CD33: variants seen among roughly 807,000 people sequenced by gnomAD.
The protein encoded by CD33 is myeloid cell surface antigen CD33.
Under a neutral mutation model 31.4 loss-of-function variants are expected in CD33, and 25 were observed. The ratio of observed to expected loss-of-function variants is 0.80; its 90% CI spans 0.58 to 1.11. The LOEUF (loss-of-function observed/expected upper bound fraction) is 1.11, where lower values mean the gene tolerates loss of function less well. CD33 is among the 50% of genes most tolerant of loss of function. CD33 has a pLI of 0.00. For synonymous variants in CD33, 176 were observed against 180.6 expected (o/e 0.97, Z 0.20); for missense variants, 407 against 448.1 (o/e 0.91, Z 0.83).
the CD33 span, among the ~76,000 whole-genome samples, chr19:51,212,273 C>T: frequency 6.6e-6 from 1 of 152,016 alleles, no homozygotes; most frequent in Admixed American, 6.5e-5. Flanking sequence ...CACCCTCACC[C>T]CAACTGAATG....
intron 6 of CD33, chr19:51,236,080 C>T (rs1981783672): frequency 8.0e-6 from 4 of 498,122 alleles, no homozygotes; most frequent in Non-Finnish European, 1.5e-5. Context: ...ATGGTATGAA[C>T]CCGGGAGGCA....
chr19:51,223,964 T>C (rs1980812530), upstream of CD33, among the ~76,000 whole-genome samples: 1 of 152,100 alleles, frequency 6.6e-6, no homozygotes, highest in South Asian at 2.1e-4. Flanking sequence ...AGGAATCAGG[T>C]CAGTGGCATC....
intron 6 of CD33, chr19:51,239,236 T>C (rs1005431773): frequency 4.0e-5 from 10 of 249,034 alleles, no homozygotes; most frequent in Non-Finnish European, 6.9e-5. Context: ...GTCTGTAAAA[T>C]GGATTAAAAT....
chr19:51,239,437 T>G, intron 6 of CD33, 81 bp from the exon 7 acceptor site: 1 of 1,037,246 alleles, frequency 9.6e-7, no homozygotes. Context: ...AGAGTCAAAT[T>G]TACTTCATTG....
intron 4 of CD33, among the ~76,000 whole-genome samples, chr19:51,234,105 T>C (rs1981613429): frequency 1.3e-5 from 2 of 152,176 alleles, no homozygotes; most frequent in Admixed American, 1.3e-4. Flanking sequence ...TGGAATCTTC[T>C]AGTCGCTGAT....
chr19:51,239,874 T>C lies in CD33; in HGVS notation c.*186T>C. 1 of 460,064 alleles carries C rather than the reference T, an allele frequency of 2.2e-6. No homozygotes were observed. The highest frequency in any genetic ancestry group is 3.8e-6 in the Non-Finnish European group (1 of 262,396). The allele number at this position is 460,064 out of a possible 1,614,324, so 28.5% of individuals were successfully genotyped here. On this transcript the variant is annotated 3_prime_UTR_variant, in exon 7 of 7. Transcript: ENST00000262262. ...GAGAGTCGTGGAATCAAATCTGTGC[T>C]CTTTCATTTGCTAAGTGTATGATGT...
chr19:51,213,025 G>A, the CD33 span, among the ~76,000 whole-genome samples: 1 of 152,212 alleles, frequency 6.6e-6, no homozygotes, highest in Non-Finnish European at 1.5e-5. Flanking sequence ...GTATGCCTAT[G>A]TATGTGGGAC....
the CD33 span, chr19:51,211,510 C>T: frequency 7.1e-6 from 11 of 1,539,698 alleles, no homozygotes; most frequent in African/African-American, 2.8e-5. Context: ...GAGGGATAAT[C>T]GTTCATACTT....
At chr19:51,231,849 C>T (rs1248216097) in intron 4 of CD33, among the ~76,000 whole-genome samples, 1 of 152,082 alleles carries the variant, frequency 6.6e-6, no homozygotes, top group Non-Finnish European at 1.5e-5. Context: ...GTCTCGACCT[C>T]CTGGGCTTAA....
At chr19:51,234,897 C>A (rs1405173281) in intron 4 of CD33, among the ~76,000 whole-genome samples, 1 of 152,130 alleles carries the variant, frequency 6.6e-6, no homozygotes. Flanking sequence ...TTCAGAAAGA[C>A]CCAGGGTGGA....
In CD33 at chr19:51,239,660, C is replaced by CCGAATA. The variant is rs768269748; in HGVS notation, c.1069_1074dup (p.Glu357_Tyr358dup). 18 of 1,612,918 alleles carry CCGAATA rather than the reference C, an allele frequency of 1.1e-5. No individual in the cohort carries two copies. Among genetic ancestry groups the CCGAATA allele is most frequent in the Non-Finnish European group, 1.5e-5 (18 of 1,179,724 alleles). On this transcript the variant is annotated inframe_insertion, in exon 7 of 7. Coordinates refer to ENST00000262262, the MANE Select transcript of CD33 (RefSeq NM_001772.4). ...ATGAATCCTTCCAAGGACACCTCCACCGAATACTCAGAGGTCAGGACCCAG... is the reference window on the plus strand; with the variant it reads ...ATGAATCCTTCCAAGGACACCTCCACCGAATACGAATACTCAGAGGTCAGGACCCAG...
At chr19:51,211,808 C>A in the CD33 span, 23 of 901,280 alleles carry the variant, frequency 2.6e-5, no homozygotes, top group Admixed American at 4.3e-4. Flanking sequence ...CCCACAGGCC[C>A]AGCATCTTCA....
Position 51,225,951 on chromosome 19 carries a change from C to G in CD33, c.567C>G (p.Pro189=), listed in dbSNP as rs374361331. 3.7e-5 allele frequency: 60 copies of G among 1,614,002 alleles called. No homozygotes were observed. The African/African-American group carries it at 5.6e-4, about 15-fold the overall frequency. Residue 189 remains proline (P), a synonymous_variant, in exon 3 of 7, where the codon CCC becomes CCG. Transcript: ENST00000262262. ...CAGCTGCCCCCACCTCCCTGGGCCC[C>G]AGGACTACTCACTCCTCGGTGCTCA... is the stretch of plus-strand genomic sequence containing the variant. The part of the protein sequence containing the change: ...WLSAAPTSLG[P]RTTHSSVLII...
chr19:51,225,466 C>G lies in CD33; in HGVS notation c.286C>G (p.Pro96Ala), dbSNP rs758214476. Reference sequence around the variant, plus strand: ...GGGCAGATTCCGCCTCCTTGGGGATCCCAGTAGGAACAACTGCTCCCTGAG... The same window carrying G: ...GGGCAGATTCCGCCTCCTTGGGGATGCCAGTAGGAACAACTGCTCCCTGAG... ...TQGRFRLLGD[P>A]SRNNCSLSIV... Residue 96 changes from proline to alanine, a missense_variant, in exon 2 of 7, where the codon CCC becomes GCC. Pro to Ala is a conservative substitution (Grantham distance 27, BLOSUM62 -1). Coordinates refer to ENST00000262262, the MANE Select transcript of CD33 (RefSeq NM_001772.4). 6.2e-7 allele frequency: 1 copy of G among 1,613,822 alleles called. No individual in the cohort carries two copies. The highest frequency in any genetic ancestry group is 8.5e-7 in the Non-Finnish European group (1 of 1,179,902).
intron 3 of CD33, 110 bp from the exon 4 acceptor site, chr19:51,226,199 G>A: frequency 6.6e-7 from 1 of 1,510,646 alleles, no homozygotes; most frequent in South Asian, 1.1e-5. Context: ...AGAAGGACAT[G>A]AGCCCTGTCC....
At chr19:51,220,362 C>G (rs1416346083), upstream of CD33, among the ~76,000 whole-genome samples, 1 of 152,168 alleles carries the variant, frequency 6.6e-6, no homozygotes, top group Non-Finnish European at 1.5e-5. Context: ...TAAGGCCAGG[C>G]AGAAATGAAG....
intron 4 of CD33, among the ~76,000 whole-genome samples, chr19:51,228,905 C>T (rs1176375482): frequency 1.3e-5 from 2 of 152,140 alleles, no homozygotes; most frequent in South Asian, 4.1e-4. Flanking sequence ...CTTTCTCTTG[C>T]CTAATTGCTC....
chr19:51,212,291 C>T, the CD33 span, among the ~76,000 whole-genome samples: 1 of 151,994 alleles, frequency 6.6e-6, no homozygotes, highest in African/African-American at 2.4e-5. Context: ...ATGGGAAATC[C>T]TCTCTTATTG....
At chr19:51,221,928 T>C (rs1299210769), upstream of CD33, among the ~76,000 whole-genome samples, 1 of 152,202 alleles carries the variant, frequency 6.6e-6, no homozygotes, top group Non-Finnish European at 1.5e-5. Flanking sequence ...TTTGTATGAT[T>C]CCATTTATAC....
Sources: allele counts gnomAD v4.1 joint callset (sites outside exome capture counted in the v4.1 genomes callset), GRCh38; gene constraint gnomAD v4.1.1; transcripts MANE v1.5; gene names NCBI Gene and HGNC (gene_info 2026-07-23, HGNC 2026-07-21).